The following ATP2C2 variants were observed in gnomAD, a reference collection of about 807,000 sequenced individuals.
ATP2C2 encodes ATPase secretory pathway Ca2+ transporting 2.
Under a neutral mutation model 110.8 loss-of-function variants are expected in ATP2C2, and 171 were observed. The ratio of observed to expected loss-of-function variants is 1.54; its 90% CI spans 1.36 to 1.75. The LOEUF (loss-of-function observed/expected upper bound fraction) is 1.75. Ranked by LOEUF, ATP2C2 falls within the 40% of genes most tolerant of loss-of-function variation. The probability of loss-of-function intolerance (pLI) is 0.00; values close to 1 mark genes in which losing one functional copy is unlikely to be tolerated. For missense variants in ATP2C2, 1,963 were observed against 1,235.0 expected (o/e 1.59, Z -8.84); for synonymous variants, 804 against 508.4 (o/e 1.58, Z -7.82).
At chr16:84,386,071 C>G (rs917620041) in intron 1 of ATP2C2, among the ~76,000 whole-genome samples, 2 of 152,218 alleles carry the variant, frequency 1.3e-5, no homozygotes, top group Non-Finnish European at 2.9e-5. Context: ...GAGCACTTCC[C>G]TTTCTGGCAT....
intron 7 of ATP2C2, among the ~76,000 whole-genome samples, chr16:84,420,430 T>TGC (rs1907225183): frequency 6.6e-6 from 1 of 150,468 alleles, no homozygotes. Flanking sequence ...TTCGTAGTTT[T>TGC]CTTCCCGGGG....
chr16:84,374,453 T>C (rs1018379348), intron 1 of ATP2C2, among the ~76,000 whole-genome samples: 1 of 152,178 alleles, frequency 6.6e-6, no homozygotes, highest in Non-Finnish European at 1.5e-5. Context: ...CAGACAGTCA[T>C]TGAAACACAT....
At chr16:84,438,979 G>T in intron 11 of ATP2C2, 187 bp from the exon 12 acceptor site, 1 of 742,136 alleles carries the variant, frequency 1.3e-6, no homozygotes, top group Non-Finnish European at 2.1e-6. Context: ...GTCTGCAGGG[G>T]AGGGCTCAGG....
At chr16:84,453,011 T>C (rs1224517600) in intron 18 of ATP2C2, 127 bp from the exon 19 acceptor site, 43 of 911,724 alleles carry the variant, frequency 4.7e-5, no homozygotes, top group Non-Finnish European at 6.9e-5. Flanking sequence ...TGCAGCATGG[T>C]AGGTCCTCAG....
intron 1 of ATP2C2, among the ~76,000 whole-genome samples, chr16:84,383,468 C>T (rs1056672323): frequency 3.9e-5 from 6 of 152,196 alleles, no homozygotes; most frequent in African/African-American, 7.2e-5. Context: ...TCAGCCAATG[C>T]GGGTTGAACC....
intron 1 of ATP2C2, among the ~76,000 whole-genome samples, chr16:84,385,450 T>C (rs1161042147): frequency 6.6e-6 from 1 of 152,164 alleles, no homozygotes; most frequent in South Asian, 2.1e-4. Context: ...ATCCAAACCA[T>C]ATCACCATCA....
intron 15 of ATP2C2, among the ~76,000 whole-genome samples, chr16:84,442,883 C>T (rs1047868957): frequency 1.6e-4 from 24 of 152,200 alleles, no homozygotes; most frequent in East Asian, 5.8e-4. Context: ...GGTGTTGAGG[C>T]GACAGACAGT....
intron 1 of ATP2C2, among the ~76,000 whole-genome samples, chr16:84,392,317 G>T (rs1904709544): frequency 6.6e-6 from 1 of 152,078 alleles, no homozygotes; most frequent in South Asian, 2.1e-4. Flanking sequence ...AACAATTAGA[G>T]AAAATCAAAT....
chr16:84,420,385 C>G (rs1029553708), intron 7 of ATP2C2, among the ~76,000 whole-genome samples: 5 of 152,084 alleles, frequency 3.3e-5, no homozygotes, highest in African/African-American at 4.8e-5. Context: ...TGTGCCTCCT[C>G]TCTTCCAAAC....
chr16:84,393,775 C>A (rs996913915), intron 1 of ATP2C2, among the ~76,000 whole-genome samples: 2 of 151,422 alleles, frequency 1.3e-5, no homozygotes, highest in Admixed American at 1.3e-4. Context: ...GGGCTGTGAC[C>A]GACACAGGTG....
chr16:84,374,474 T>C (rs1278650893), intron 1 of ATP2C2, among the ~76,000 whole-genome samples: 1 of 152,242 alleles, frequency 6.6e-6, no homozygotes, highest in African/African-American at 2.4e-5. Context: ...TCAAGGTTAA[T>C]AAGTTCTCAG....
chr16:84,386,820 C>G (rs957997424), intron 1 of ATP2C2, among the ~76,000 whole-genome samples: 1 of 152,158 alleles, frequency 6.6e-6, no homozygotes, highest in Non-Finnish European at 1.5e-5. Context: ...CTGAGGGTCA[C>G]ACAGCGTAGG....
In ATP2C2 at chr16:84,463,924, C is replaced by G. The variant is rs1911661308; in HGVS notation, c.*192C>G. ...CCAGGCCCACATCCATCCAGCGTTC[C>G]CGCTGGCTGTGGGACAGACAGGGAG... On this transcript the variant is annotated 3_prime_UTR_variant, in exon 27 of 27. Coordinates refer to ENST00000262429, the MANE Select transcript of ATP2C2 (RefSeq NM_014861.4). 1 of 580,530 alleles carries G rather than the reference C, an allele frequency of 1.7e-6. No individual in the cohort carries two copies. The highest frequency in any genetic ancestry group is 3.1e-6 in the Non-Finnish European group (1 of 325,946). The allele number at this position is 580,530 out of a possible 1,614,324, so 36.0% of individuals were successfully genotyped here.
intron 1 of ATP2C2, among the ~76,000 whole-genome samples, chr16:84,393,791 C>T (rs1329321138): frequency 1.3e-5 from 2 of 151,556 alleles, no homozygotes; most frequent in Admixed American, 1.3e-4. Context: ...AGGTGGGACC[C>T]AGGAGAGAGT....
At chr16:84,462,235 A>G (rs2241638) in intron 26 of ATP2C2, 106 bp downstream of exon 26, 412,642 of 1,444,970 alleles carry the variant, frequency 0.29, 60,112 homozygotes, top group African/African-American at 0.32. Flanking sequence ...GCGGGAAAGC[A>G]GAGCTCACCA....
At position 84,425,816 on chromosome 16, in the gene ATP2C2, G is replaced by A; in HGVS notation, c.986+15G>A. On this transcript the variant is annotated intron_variant, in intron 11 of 26. Coordinates refer to ENST00000262429, the MANE Select transcript of ATP2C2 (RefSeq NM_014861.4). ...ATCGGGGTCAGGTAAGAGTGCTATG[G>A]CCGCCCCTTGCCTTGCCAGGGTGGT... 1.2e-6 allele frequency: 2 copies of A among 1,613,668 alleles called. No homozygotes were observed. The highest frequency in any genetic ancestry group is 1.7e-6 in the Non-Finnish European group (2 of 1,179,670).
chr16:84,384,363 G>C (rs929241683), intron 1 of ATP2C2, among the ~76,000 whole-genome samples: 6 of 152,150 alleles, frequency 3.9e-5, no homozygotes, highest in African/African-American at 1.4e-4. Flanking sequence ...CTCTTGATTT[G>C]AGTTTGTCTA....
chr16:84,454,872 G>A lies in ATP2C2; in HGVS notation c.2035G>A (p.Ala679Thr), dbSNP rs199688820. ...VAMTGDGVND[A>T]VALKSADIGI... ...CATGACTGGGGATGGGGTGAACGAC[G>A]CAGTGGCCCTGAAGTCTGCAGACAT... Residue 679 changes from alanine to threonine, a missense_variant, in exon 21 of 27, where the codon GCA becomes ACA. By Grantham distance (58) the Ala-to-Thr change is moderately conservative (BLOSUM62 0). Coordinates refer to ENST00000262429, the MANE Select transcript of ATP2C2 (RefSeq NM_014861.4). 9.9e-5 allele frequency: 159 copies of A among 1,613,782 alleles called. No homozygotes were observed. The highest frequency in any genetic ancestry group is 5.0e-4 in the Middle Eastern group (3 of 6,052).
At chr16:84,418,675 A>T (rs2150537306) in intron 7 of ATP2C2, among the ~76,000 whole-genome samples, 1 of 151,858 alleles carries the variant, frequency 6.6e-6, no homozygotes, top group Middle Eastern at 3.4e-3. Flanking sequence ...GGGGGACATG[A>T]CCCCGGGCCT....
Sources: allele counts gnomAD v4.1 joint callset (sites outside exome capture counted in the v4.1 genomes callset), GRCh38; gene constraint gnomAD v4.1.1; transcripts MANE v1.5; gene names NCBI Gene and HGNC (gene_info 2026-07-23, HGNC 2026-07-21).